The following HACD4 variants were observed in gnomAD, a reference collection of about 807,000 sequenced individuals.
HACD4 encodes the protein 3-hydroxyacyl-CoA dehydratase 4.
Under a neutral mutation model 33.3 loss-of-function variants are expected in HACD4, and 35 were observed. The ratio of observed to expected loss-of-function variants is 1.05; its 90% confidence interval spans 0.80 to 1.39. The LOEUF is 1.39. Ranked by LOEUF, HACD4 falls within the 40% of genes most tolerant of loss-of-function variation. HACD4 has a pLI of 0.00. For missense variants in HACD4, 323 were observed against 276.5 expected, an observed-to-expected ratio of 1.17 and a Z score of -1.19; for synonymous variants, 118 against 98.0, an observed-to-expected ratio of 1.20 and a Z score of -1.21.
chr9:21,006,939 A>G lies in HACD4; in HGVS notation c.*98T>C. 1.3e-6 allele frequency: 1 copy of G among 781,510 alleles called. No homozygotes were observed. The highest frequency in any genetic ancestry group is 1.4e-5 in the South Asian group (1 of 71,392). 48.4% of individuals were successfully genotyped at this position (781,510 alleles called of 1,614,324 possible). ...TATTTCATGTAATGGATTTTTATCA[A>G]ATACAAGGTATTTTTCCACCAGAAT... On this transcript the variant is annotated 3_prime_UTR_variant, in exon 7 of 7. Transcript: ENST00000495827. The surrounding 1 kb of genome is among the most constrained non-coding windows in gnomAD (Gnocchi z 4.6).
Position 21,031,626 on chromosome 9 carries a change from G to A in HACD4, c.-36C>T. 7.3e-7 allele frequency: 1 copy of A among 1,379,112 alleles called. No individual in the cohort carries two copies. Among genetic ancestry groups the A allele is most frequent in the African/African-American group, 1.5e-5 (1 of 65,886 alleles). The allele number at this position is 1,379,112 out of a possible 1,614,324, so 85.4% of individuals were successfully genotyped here. ...CGCCAGGGCTTCCAGCGCGGTCCAG[G>A]AAGGAGTACCGGGGAGGAGGCAGGG... On this transcript the variant is annotated 5_prime_UTR_variant, in exon 1 of 7. Transcript: ENST00000495827.
At position 21,003,312 on chromosome 9, in the gene HACD4, T is replaced by C. The variant is rs143671345; in HGVS notation, c.*3725A>G. 31 of 152,220 alleles carry C rather than the reference T, an allele frequency of 2.0e-4. No individual in the cohort carries two copies. The highest frequency in any genetic ancestry group is 4.0e-4 in the Non-Finnish European group (27 of 67,994). 9.4% of individuals were successfully genotyped at this position (152,220 alleles called of 1,614,324 possible). On this transcript the variant is annotated 3_prime_UTR_variant, in exon 7 of 7. Coordinates refer to ENST00000495827, the MANE Select transcript of HACD4 (RefSeq NM_001010915.5). ...TTTATTATAATGACCCAGTAAAGTG[T>C]AGTTTCTCTAATTTTCTCTTTGTTT... is the stretch of plus-strand genomic sequence containing the variant.
chr9:21,027,300 G>A (rs1012800022), intron 2 of HACD4, among the ~76,000 whole-genome samples: 1 of 152,164 alleles, frequency 6.6e-6, no homozygotes. Context: ...GACTTTTGGG[G>A]TTTGCATTGC....
rs1021137722 is a variant in HACD4, at chr9:21,031,636, C to G, written c.-46G>C. On this transcript the variant is annotated 5_prime_UTR_variant, in exon 1 of 7. Coordinates refer to ENST00000495827, the MANE Select transcript of HACD4 (RefSeq NM_001010915.5). ...TCCAGCGCGGTCCAGGAAGGAGTAC[C>G]GGGGAGGAGGCAGGGGCGGCCCCGC... is the stretch of plus-strand genomic sequence containing the variant. The G allele has an allele frequency of 1.5e-6, 2 of 1,346,932 alleles. No homozygotes were observed. The highest frequency in any genetic ancestry group is 3.9e-5 in the Admixed American group (1 of 25,498). The allele number at this position is 1,346,932 out of a possible 1,614,324, so 83.4% of individuals were successfully genotyped here.
chr9:21,020,941 T>C (rs1182102345), intron 3 of HACD4, among the ~76,000 whole-genome samples: 1 of 152,164 alleles, frequency 6.6e-6, no homozygotes, highest in Non-Finnish European at 1.5e-5. Flanking sequence ...GGTTTCTCCC[T>C]AGGTATCAAA....
At chr9:21,024,834 A>G (rs1253569536) in intron 3 of HACD4, among the ~76,000 whole-genome samples, 2 of 152,230 alleles carry the variant, frequency 1.3e-5, no homozygotes, top group Non-Finnish European at 2.9e-5. Flanking sequence ...AATAGAAAAC[A>G]TAACTGAGAT....
chr9:21,028,135 C>CAAAAAA (rs71334571), intron 2 of HACD4, among the ~76,000 whole-genome samples: 1 of 93,460 alleles, frequency 1.1e-5, no homozygotes, highest in Non-Finnish European at 2.0e-5. Context: ...AACTCCATCT[C>CAAAAAA]AAAAAAAAAA....
chr9:21,018,317 C>T (rs1285058409), intron 3 of HACD4, among the ~76,000 whole-genome samples: 1 of 152,122 alleles, frequency 6.6e-6, no homozygotes, highest in Non-Finnish European at 1.5e-5. Flanking sequence ...AAAAGACATG[C>T]ATTTTACCAA....
At position 21,011,603 on chromosome 9, in the gene HACD4, C is replaced by T. The variant is rs758594956; in HGVS notation, c.476G>A (p.Cys159Tyr). The T allele has an allele frequency of 1.2e-6, 2 of 1,604,170 alleles. No individual in the cohort carries two copies. The highest frequency in any genetic ancestry group is 1.7e-5 in the Admixed American group (1 of 59,916). Reference sequence around the variant, plus strand: ...TCTTTTCTTACCTTCAGCAAGAACACACAAAGGATAAATTGGCATCCATAG... The same window carrying T: ...TCTTTTCTTACCTTCAGCAAGAACATACAAAGGATAAATTGGCATCCATAG... ...QTLWMPIYPL[C>Y]VLAEAFAIYQ... The change falls in exon 5 of 7, where the codon TGT becomes TAT. Residue 159 changes from cysteine to tyrosine, a missense_variant. Transcript: ENST00000495827.
chr9:21,016,128 CT>C (rs1468749236), intron 3 of HACD4, 118 bp from the exon 4 acceptor site: 1 of 623,612 alleles, frequency 1.6e-6, no homozygotes, highest in East Asian at 2.8e-5. Context: ...AATATGTATA[CT>C]AAACTGTTAA....
Position 21,004,494 on chromosome 9 carries a change from ACCTTTAC to A in HACD4, c.*2536_*2542del, listed in dbSNP as rs1842223519. 1 of 152,204 alleles carries A rather than the reference ACCTTTAC, an allele frequency of 6.6e-6. No homozygotes were observed. Among genetic ancestry groups the A allele is most frequent in the African/African-American group, 2.4e-5 (1 of 41,464 alleles). 9.4% of individuals were successfully genotyped at this position (152,204 alleles called of 1,614,324 possible). ...TGGAACCTTCATAAATGGGATTAGT[ACCTTTAC>A]AATAAGAAATAAGGGAGAGATGGTT... On this transcript the variant is annotated 3_prime_UTR_variant, in exon 7 of 7. Coordinates refer to ENST00000495827, the MANE Select transcript of HACD4 (RefSeq NM_001010915.5). This position sits in a 1 kb window ranked among gnomAD's most constrained non-coding sequence, Gnocchi z 4.6.
chr9:21,030,552 A>C (rs1055457727), intron 1 of HACD4, among the ~76,000 whole-genome samples: 1 of 152,248 alleles, frequency 6.6e-6, no homozygotes, highest in African/African-American at 2.4e-5. Flanking sequence ...TGCTAAGTGC[A>C]GAACTTGAGA....
At chr9:21,013,419 G>A (rs1231707895) in intron 4 of HACD4, among the ~76,000 whole-genome samples, 1 of 152,154 alleles carries the variant, frequency 6.6e-6, no homozygotes, top group African/African-American at 2.4e-5. Flanking sequence ...TTGCTTTGTA[G>A]TAAGTTTTGA....
intron 3 of HACD4, among the ~76,000 whole-genome samples, chr9:21,025,964 G>A (rs1334743808): frequency 6.6e-6 from 1 of 152,202 alleles, no homozygotes; most frequent in East Asian, 1.9e-4. Flanking sequence ...CTAGTGCAAA[G>A]TAGAACTGGG....
chr9:21,029,455 T>C, intron 1 of HACD4, 57 bp from the exon 2 acceptor site: 1 of 1,100,300 alleles, frequency 9.1e-7, no homozygotes, highest in South Asian at 1.4e-5. Flanking sequence ...CTTTCATCAC[T>C]GTACACATGC....
chr9:21,024,553 G>A (rs1818015190), intron 3 of HACD4, among the ~76,000 whole-genome samples: 1 of 152,070 alleles, frequency 6.6e-6, no homozygotes, highest in Non-Finnish European at 1.5e-5. Flanking sequence ...TGTATATTCT[G>A]GAATTCCTCC....
Position 21,026,220 on chromosome 9 carries a change from G to T in HACD4, c.270+376C>A, listed in dbSNP as rs118124666. ...AGCCCAATGGTTGTTCCCATAGTAT[G>T]GGTGGTATGATCCCATAGTGGTAAG... On this transcript the variant is annotated intron_variant, in intron 3 of 6. Coordinates refer to ENST00000495827, the MANE Select transcript of HACD4 (RefSeq NM_001010915.5). 3.2e-3 allele frequency among the ~76,000 whole-genome samples: 480 copies of T among 152,302 alleles called. 1 individual carries two copies. The highest frequency in any genetic ancestry group is 5.6e-3 in the Non-Finnish European group (379 of 68,024).
chr9:21,018,079 A>G (rs1055238907), intron 3 of HACD4, among the ~76,000 whole-genome samples: 2 of 152,216 alleles, frequency 1.3e-5, no homozygotes, highest in Admixed American at 6.5e-5. Context: ...GACTCCCTCT[A>G]TATTCGGTGT....
Position 20,999,685 on chromosome 9 carries a change from C to T in HACD4, c.*7352G>A, listed in dbSNP as rs775633030. 6 of 152,016 alleles carry T rather than the reference C, an allele frequency of 3.9e-5. No homozygotes were observed. Among genetic ancestry groups the T allele is most frequent in the Admixed American group, 1.3e-4 (2 of 15,250 alleles). The allele number at this position is 152,016 out of a possible 1,614,324, so 9.4% of individuals were successfully genotyped here. ...ATTGAAATTCATTACCTAATTAAGC[C>T]GATAGATTTCTTGAAATATATTTCT... is the stretch of plus-strand genomic sequence containing the variant. On this transcript the variant is annotated 3_prime_UTR_variant, in exon 7 of 7. Transcript: ENST00000495827.
Sources: allele counts gnomAD v4.1 joint callset (sites outside exome capture counted in the v4.1 genomes callset), GRCh38; gene constraint gnomAD v4.1.1; non-coding constraint Gnocchi (gnomAD v3.1); transcripts MANE v1.5; gene names NCBI Gene and HGNC (gene_info 2026-07-23, HGNC 2026-07-21).